SCFD2: variants seen among roughly 807,000 people sequenced by gnomAD.
SCFD2 encodes the protein sec1 family domain-containing protein 2.
In SCFD2, 54 loss-of-function variants were observed where a neutral mutation model predicts 58.9. That is an observed-to-expected ratio of 0.92 (90% CI 0.74 to 1.15). The LOEUF (loss-of-function observed/expected upper bound fraction) is 1.15. Among genes scored for constraint, SCFD2 ranks in the 50% most tolerant of loss-of-function variants. SCFD2 has a pLI of 0.00. For synonymous variants in SCFD2, 321 were observed against 335.9 expected, an observed-to-expected ratio of 0.96 and a Z score of 0.49; for missense variants, 805 against 836.6, an observed-to-expected ratio of 0.96 and a Z score of 0.47.
chr4:52,888,622 G>A (rs1476152523), intron 7 of SCFD2, among the ~76,000 whole-genome samples: 2 of 152,172 alleles, frequency 1.3e-5, no homozygotes, highest in African/African-American at 2.4e-5. Context: ...CACAGCTGAT[G>A]ACACCCTTCT....
chr4:52,874,199 G>T, intron 8 of SCFD2, 138 bp from the exon 9 acceptor site: 1 of 649,940 alleles, frequency 1.5e-6, no homozygotes. Context: ...AAAGTAGAAG[G>T]CAGCCAGCTG....
intron 5 of SCFD2, among the ~76,000 whole-genome samples, chr4:53,040,395 T>G (rs1209264744): frequency 6.6e-6 from 1 of 152,016 alleles, no homozygotes; most frequent in East Asian, 1.9e-4. Context: ...TTATAAATAA[T>G]CCACATTGGA....
chr4:53,120,532 T>C (rs903629714), intron 5 of SCFD2, among the ~76,000 whole-genome samples: 1 of 152,166 alleles, frequency 6.6e-6, no homozygotes, highest in African/African-American at 2.4e-5. Context: ...TTTTTCCTTG[T>C]AGGACAGGAC....
chr4:53,197,041 T>A (rs540801159), intron 4 of SCFD2, among the ~76,000 whole-genome samples: 1 of 152,142 alleles, frequency 6.6e-6, no homozygotes, highest in Admixed American at 6.6e-5. Flanking sequence ...AGATTCACAA[T>A]TCCTTGAAAC....
At chr4:53,363,237 G>C (rs1734597368) in intron 1 of SCFD2, among the ~76,000 whole-genome samples, 1 of 151,922 alleles carries the variant, frequency 6.6e-6, no homozygotes, top group African/African-American at 2.4e-5. Context: ...CTGGGCTCAA[G>C]TTATCCTCCA....
intron 3 of SCFD2, among the ~76,000 whole-genome samples, chr4:53,284,216 A>G (rs1222106487): frequency 2.0e-5 from 3 of 151,954 alleles, no homozygotes; most frequent in Non-Finnish European, 4.4e-5. Context: ...TGGGTAGCCA[A>G]AAGTCTAATG....
intron 4 of SCFD2, among the ~76,000 whole-genome samples, chr4:53,240,593 C>T (rs1269348779): frequency 3.9e-5 from 6 of 152,210 alleles, no homozygotes; most frequent in East Asian, 1.9e-4. Context: ...TCCCATTTGA[C>T]GTTTGTCCAA....
At chr4:53,099,616 A>T (rs543892511) in intron 5 of SCFD2, among the ~76,000 whole-genome samples, 109 of 152,184 alleles carry the variant, frequency 7.2e-4, no homozygotes, top group Non-Finnish European at 1.3e-3. Context: ...CAGAGATCAC[A>T]TTGTGAGAGA....
At chr4:53,350,156 A>C (rs1455340734) in intron 2 of SCFD2, among the ~76,000 whole-genome samples, 1 of 152,190 alleles carries the variant, frequency 6.6e-6, no homozygotes, top group East Asian at 1.9e-4. Flanking sequence ...CATGTCCAGC[A>C]TCTGTTCCCC....
rs576925030 is a variant in SCFD2 at position 52,940,207 on chromosome 4, C to G, written c.1562-19337G>C. ...AACAGCCGTTGGGGTGGAAAGGTGC[C>G]TGAGGAACCTCAGGTGCTGTAAAGC... On this transcript the variant is annotated intron_variant, in intron 5 of 8. Coordinates refer to ENST00000401642, the MANE Select transcript of SCFD2 (RefSeq NM_152540.4). Among the ~76,000 whole-genome samples the G allele has an allele frequency of 1.4e-3, 220 of 152,310 alleles. 1 individual carries two copies. The highest frequency in any genetic ancestry group is 4.9e-4 in the Non-Finnish European group (33 of 68,030).
chr4:53,238,348 C>G (rs1359183760), intron 4 of SCFD2, among the ~76,000 whole-genome samples: 15 of 100,810 alleles, frequency 1.5e-4, no homozygotes, highest in Admixed American at 7.8e-4. Context: ...GCTGGCCGGG[C>G]GGGGGCTGAT....
intron 5 of SCFD2, among the ~76,000 whole-genome samples, chr4:52,960,693 C>T (rs542527736): frequency 2.1e-5 from 3 of 142,304 alleles, no homozygotes; most frequent in Admixed American, 1.5e-4. Flanking sequence ...TTTCCACGCA[C>T]CTCATTTCTT....
intron 4 of SCFD2, among the ~76,000 whole-genome samples, chr4:53,165,276 G>A (rs903483070): frequency 8.5e-5 from 13 of 152,160 alleles, no homozygotes; most frequent in East Asian, 1.9e-4. Flanking sequence ...ACGTGTGCAC[G>A]CACTGTCTCT....
At chr4:53,092,751 C>A (rs1295734764) in intron 5 of SCFD2, among the ~76,000 whole-genome samples, 2 of 152,000 alleles carry the variant, frequency 1.3e-5, no homozygotes, top group East Asian at 3.9e-4. Flanking sequence ...ATATAACAAT[C>A]TTGAAATGAC....
intron 5 of SCFD2, among the ~76,000 whole-genome samples, chr4:53,034,111 C>T (rs1203388836): frequency 2.0e-5 from 3 of 152,168 alleles, no homozygotes; most frequent in Non-Finnish European, 2.9e-5. Flanking sequence ...AAAGCTTATC[C>T]ACCATGATCA....
At chr4:53,328,434 C>T (rs544316858) in intron 2 of SCFD2, among the ~76,000 whole-genome samples, 57 of 152,134 alleles carry the variant, frequency 3.7e-4, no homozygotes, top group African/African-American at 1.3e-3. Context: ...GCTCAAAGAA[C>T]GATGGTTATA....
At chr4:53,207,945 CTTTCT>C (rs563776937) in intron 4 of SCFD2, among the ~76,000 whole-genome samples, 178 of 147,834 alleles carry the variant, frequency 1.2e-3, no homozygotes, top group Non-Finnish European at 2.1e-3. Flanking sequence ...TTTCTTTTTT[CTTTCT>C]TTTCTTTTCT....
At chr4:53,210,569 A>G (rs932229853) in intron 4 of SCFD2, among the ~76,000 whole-genome samples, 1 of 151,214 alleles carries the variant, frequency 6.6e-6, no homozygotes, top group African/African-American at 2.4e-5. Flanking sequence ...TGCAGAATGT[A>G]AAACAATACC....
chr4:53,363,446 G>A (rs750643084), intron 1 of SCFD2, among the ~76,000 whole-genome samples: 7 of 151,952 alleles, frequency 4.6e-5, no homozygotes, highest in Non-Finnish European at 1.0e-4. Flanking sequence ...ACTGTGCCGG[G>A]CTCTAAATCA....
Sources: gnomAD v4.1 joint callset for allele counts (sites outside exome capture counted in the v4.1 genomes callset) on GRCh38, gnomAD v4.1.1 for gene constraint, MANE v1.5 for transcripts, NCBI Gene and HGNC (gene_info 2026-07-23, HGNC 2026-07-21) for gene names.